Variants in THADA observed in about 807,000 individuals in gnomAD.
THADA encodes THADA armadillo repeat containing.
Under a neutral mutation model 219.8 loss-of-function variants are expected in THADA, and 213 were observed. That is an observed-to-expected ratio of 0.97 (90% CI 0.87 to 1.09). The LOEUF is 1.09. THADA is among the 50% of genes least tolerant of loss of function. The probability of loss-of-function intolerance (pLI) is 0.00; values close to 1 mark genes in which losing one functional copy is unlikely to be tolerated. For synonymous variants in THADA, 1,018 were observed against 828.9 expected, an observed-to-expected ratio of 1.23 and a Z score of -3.92; for missense variants, 2,956 against 2,311.3, an observed-to-expected ratio of 1.28 and a Z score of -5.72.
intron 28 of THADA, 76 bp from the exon 29 acceptor site, chr2:43,398,215 T>C (rs1674344403): frequency 2.7e-6 from 4 of 1,484,598 alleles, no homozygotes; most frequent in African/African-American, 2.8e-5. Flanking sequence ...TTACATTCTA[T>C]CTAGCATGGC....
At chr2:43,517,650 C>G (rs1691893835) in intron 22 of THADA, among the ~76,000 whole-genome samples, 1 of 152,210 alleles carries the variant, frequency 6.6e-6, no homozygotes, top group Middle Eastern at 3.4e-3. Flanking sequence ...TTCATCCAGT[C>G]CCCTCCCCGC....
rs370856718 is a variant in THADA, at chr2:43,514,689, T to C, written c.3375-5909A>G. 1.2e-3 allele frequency among the ~76,000 whole-genome samples: 98 copies of C among 80,118 alleles called. 3 individuals are homozygous for C. Among genetic ancestry groups the C allele is most frequent in the Middle Eastern group, 8.1e-3 (1 of 124 alleles). 52.6% of individuals were successfully genotyped at this position (80,118 alleles called of 152,430 possible). Reference sequence around the variant, plus strand: ...ATAATATATAATATATTATATTATATATAATATATATAATATATATATAAA... The same window carrying C: ...ATAATATATAATATATTATATTATACATAATATATATAATATATATATAAA... On this transcript the variant is annotated intron_variant, in intron 22 of 37. Coordinates refer to ENST00000405975, the MANE Select transcript of THADA (RefSeq NM_022065.5).
At position 43,332,089 on chromosome 2, in the gene THADA, T is replaced by C. The variant is rs369957588; in HGVS notation, c.4344-11549A>G. ...TCCAATCTGAGACAATTAATCTTAT[T>C]ATTATTATTTTTTTGAGACAGAATC... On this transcript the variant is annotated intron_variant, in intron 30 of 37. Transcript: ENST00000405975. Among the ~76,000 whole-genome samples, 4 of 152,288 alleles carry C rather than the reference T, an allele frequency of 2.6e-5. No homozygotes were observed. In the East Asian group the frequency reaches 7.7e-4, roughly 29 times the overall value.
chr2:43,493,836 C>T (rs1462064458), intron 25 of THADA, among the ~76,000 whole-genome samples: 1 of 152,090 alleles, frequency 6.6e-6, no homozygotes, highest in African/African-American at 2.4e-5. Flanking sequence ...GAGCCACCAC[C>T]ATCTTTTGGT....
In THADA at chr2:43,560,341, C is replaced by T; in HGVS notation, c.2356G>A (p.Gly786Ser). 1 of 1,611,684 alleles carries T rather than the reference C, an allele frequency of 6.2e-7. No individual in the cohort carries two copies. Among genetic ancestry groups the T allele is most frequent in the Non-Finnish European group, 8.5e-7 (1 of 1,178,736 alleles). Residue 786 changes from glycine (G) to serine (S), a missense_variant, in exon 16 of 38, where the codon GGT becomes AGT. By Grantham distance (56) the Gly-to-Ser change is moderately conservative (BLOSUM62 0). Transcript: ENST00000405975. The stretch of plus-strand genomic sequence containing the variant: ...CATTCCATTAGTGTTTGGAAACGAC[C>T]AACATCAATATCATGACTCAGCTGA... ...VYQLSHDIDV[G>S]RFQTLMECFT...
intron 21 of THADA, among the ~76,000 whole-genome samples, chr2:43,537,795 G>C (rs1046849505): frequency 1.5e-5 from 2 of 130,438 alleles, no homozygotes; most frequent in Non-Finnish European, 3.3e-5. Flanking sequence ...GTGAGATCCC[G>C]TCTCTACAAA....
rs76789101 is a variant in THADA, at chr2:43,466,705, C to T, written c.3836+18529G>A. On this transcript the variant is annotated intron_variant, in intron 26 of 37. Transcript: ENST00000405975. ...CAAGTACTCTCCTAATCTGCAGGCA[C>T]GTATGAACTCACTCAATTGCACAAA... is the stretch of plus-strand genomic sequence containing the variant. 3.5e-3 allele frequency among the ~76,000 whole-genome samples: 533 copies of T among 152,264 alleles called. 1 individual carries two copies. The highest frequency in any genetic ancestry group is 0.012 in the African/African-American group (509 of 41,532).
intron 30 of THADA, chr2:43,333,166 G>A (rs1665985810): frequency 6.6e-6 from 1 of 152,170 alleles, no homozygotes; most frequent in South Asian, 2.1e-4. Flanking sequence ...TTGTCCCACT[G>A]GCTTGGGTTG....
chr2:43,318,051 T>G (rs1678276578), intron 31 of THADA, among the ~76,000 whole-genome samples: 1 of 152,034 alleles, frequency 6.6e-6, no homozygotes, highest in Non-Finnish European at 1.5e-5. Flanking sequence ...TTTATTTTAT[T>G]TTTTTTGAGA....
chr2:43,341,820 T>C (rs1013173548), intron 30 of THADA, among the ~76,000 whole-genome samples: 8 of 152,164 alleles, frequency 5.3e-5, no homozygotes, highest in South Asian at 4.1e-4. Flanking sequence ...TGATGTGATA[T>C]GTATCTTTGG....
intron 23 of THADA, among the ~76,000 whole-genome samples, chr2:43,506,411 T>C (rs1689673894): frequency 6.6e-6 from 1 of 152,232 alleles, no homozygotes; most frequent in African/African-American, 2.4e-5. Context: ...AATGAGGTAC[T>C]AATATATATT....
At chr2:43,325,018 T>C (rs1053888328) in intron 30 of THADA, among the ~76,000 whole-genome samples, 3 of 152,236 alleles carry the variant, frequency 2.0e-5, no homozygotes, top group Non-Finnish European at 4.4e-5. Flanking sequence ...GAAGGCCCTG[T>C]TAAGAATCCT....
intron 23 of THADA, among the ~76,000 whole-genome samples, chr2:43,507,401 T>G (rs1316974544): frequency 6.6e-6 from 1 of 152,172 alleles, no homozygotes; most frequent in East Asian, 1.9e-4. Flanking sequence ...GATCCTGTCT[T>G]AACATTTGAT....
chr2:43,339,945 TAAATA>T (rs1410803871), intron 30 of THADA, among the ~76,000 whole-genome samples: 1 of 151,618 alleles, frequency 6.6e-6, no homozygotes, highest in East Asian at 1.9e-4. Context: ...AAAAAATAAA[TAAATA>T]AATAAAAAAC....
chr2:43,249,648 G>A (rs1430259230), intron 36 of THADA, among the ~76,000 whole-genome samples: 1 of 152,150 alleles, frequency 6.6e-6, no homozygotes, highest in Non-Finnish European at 1.5e-5. Flanking sequence ...CATCACTAGT[G>A]GATTGGCTGT....
rs779674600 is a variant in THADA at position 43,581,932 on chromosome 2, TA to T, written c.534-5del. 1.3e-6 allele frequency: 2 copies of T among 1,527,714 alleles called. No individual in the cohort carries two copies. Among genetic ancestry groups the T allele is most frequent in the Admixed American group, 4.8e-5 (2 of 41,910 alleles). 94.6% of individuals were successfully genotyped at this position (1,527,714 alleles called of 1,614,324 possible). A position where few individuals can be genotyped will look rare whatever the true frequency, so the allele number is the denominator to read the frequency against. ...AATATGATTTCCAGCACATTTTCTA[TA>T]AAGAAGAAAAGACATTATTACAAAA... On this transcript the variant is annotated splice_region_variant and splice_polypyrimidine_tract_variant and intron_variant, in intron 7 of 37. Transcript: ENST00000405975.
At chr2:43,419,152 T>C (rs1034885454) in intron 28 of THADA, among the ~76,000 whole-genome samples, 4 of 152,068 alleles carry the variant, frequency 2.6e-5, no homozygotes, top group Non-Finnish European at 4.4e-5. Context: ...AGTAGGGGTG[T>C]TGGGTTGGGC....
chr2:43,485,001 C>T (rs1177977357), intron 26 of THADA, among the ~76,000 whole-genome samples: 2 of 151,044 alleles, frequency 1.3e-5, no homozygotes, highest in Admixed American at 6.6e-5. Flanking sequence ...CTACATTTCA[C>T]CCCTTGCTAC....
chr2:43,401,471 C>G (rs1355224411), intron 28 of THADA, among the ~76,000 whole-genome samples: 4 of 152,002 alleles, frequency 2.6e-5, no homozygotes, highest in Non-Finnish European at 5.9e-5. Flanking sequence ...GTAGAGACGG[C>G]CTTTCACCGT....
Sources: allele counts gnomAD v4.1 joint callset (sites outside exome capture counted in the v4.1 genomes callset), GRCh38; gene constraint gnomAD v4.1.1; transcripts MANE v1.5; gene names NCBI Gene and HGNC (gene_info 2026-07-23, HGNC 2026-07-21).